Variants in PLA2G4C observed in about 807,000 individuals in gnomAD.
PLA2G4C encodes cytosolic phospholipase A2 gamma.
In PLA2G4C, 64 loss-of-function variants were observed where a neutral mutation model predicts 73.8. That is an observed-to-expected ratio of 0.87 (90% CI 0.71 to 1.07). The LOEUF is 1.07. Among genes scored for constraint, PLA2G4C ranks in the 50% least tolerant of loss-of-function variants. The pLI, the probability that PLA2G4C is intolerant of heterozygous loss-of-function variation, is 0.00. For synonymous variants in PLA2G4C, 254 were observed against 252.1 expected (o/e 1.01, Z -0.07); for missense variants, 622 against 665.4 (o/e 0.93, Z 0.72).
rs1325338187 is a variant in PLA2G4C at position 48,052,824 on chromosome 19, C to T, written c.1580+173G>A. 3 of 538,332 alleles carry T rather than the reference C, an allele frequency of 5.6e-6. No individual in the cohort carries two copies. The Admixed American group carries it at 1.1e-4, about 20-fold the overall frequency. The allele number at this position is 538,332 out of a possible 1,614,324, so 33.3% of individuals were successfully genotyped here. On this transcript the variant is annotated intron_variant, in intron 16 of 16. Transcript: ENST00000599921. The stretch of plus-strand genomic sequence containing the variant: ...CTGCTTCACTCTTCAGAAAACCATT[C>T]ACTCCTGACCCTGTTCATGGTCTGT...
At chr19:48,086,720 G>A (rs1005158126) in intron 9 of PLA2G4C, among the ~76,000 whole-genome samples, 44 of 152,114 alleles carry the variant, frequency 2.9e-4, no homozygotes, top group African/African-American at 9.9e-4. Context: ...AGCATCTCCT[G>A]GTAGGATAAC....
At chr19:48,083,540 T>G (rs576598659) in intron 10 of PLA2G4C, among the ~76,000 whole-genome samples, 7 of 150,282 alleles carry the variant, frequency 4.7e-5, no homozygotes, top group African/African-American at 1.7e-4. Context: ...CTCCACCTCC[T>G]GGGTTCAAGC....
rs35118449 is a variant in PLA2G4C at position 48,091,883 on chromosome 19, C to CAA, written c.710-1468_710-1467dup. On this transcript the variant is annotated intron_variant, in intron 7 of 16. Coordinates refer to ENST00000599921, the MANE Select transcript of PLA2G4C (RefSeq NM_003706.3). ...TGGGAGACAGAGTGAGACTCCATCTCAAAAAAAAAAAAAAAAAAAAAAAAA... is the reference window on the plus strand; with the variant it reads ...TGGGAGACAGAGTGAGACTCCATCTCAAAAAAAAAAAAAAAAAAAAAAAAAAA... Among the ~76,000 whole-genome samples, 22 of 21,084 alleles carry CAA rather than the reference C, an allele frequency of 1.0e-3. 1 individual carries two copies. Among genetic ancestry groups the CAA allele is most frequent in the African/African-American group, 2.5e-3 (12 of 4,832 alleles). The allele number at this position is 21,084 out of a possible 152,430, so 13.8% of individuals were successfully genotyped here.
chr19:48,048,268 G>T lies in PLA2G4C; in HGVS notation c.*75C>A. The T allele has an allele frequency of 1.8e-6, 2 of 1,115,034 alleles. No individual in the cohort carries two copies. The highest frequency in any genetic ancestry group is 1.4e-5 in the South Asian group (1 of 72,654). 69.1% of individuals were successfully genotyped at this position (1,115,034 alleles called of 1,614,324 possible). ...GAAGCGTGTGGCTGAAGGGAGTGAAGAACAGGAAGGCCAGGTGGACATCAG... is the reference window on the plus strand; with the variant it reads ...GAAGCGTGTGGCTGAAGGGAGTGAATAACAGGAAGGCCAGGTGGACATCAG... On this transcript the variant is annotated 3_prime_UTR_variant, in exon 17 of 17. Transcript: ENST00000599921.
intron 11 of PLA2G4C, among the ~76,000 whole-genome samples, chr19:48,075,846 A>G (rs6650755): frequency 0.021 from 3,130 of 152,266 alleles, 104 homozygotes; most frequent in African/African-American, 0.07. Flanking sequence ...GCAGTGGTAC[A>G]ATCACCAGCC....
rs572828224 is a variant in PLA2G4C, at chr19:48,072,757, G to A, written c.1006+2010C>T. Reference sequence around the variant, plus strand: ...TATGTAACATGAATAAAAGGAGGAGGAAGGGAAATCTAGAGTCTGAAGAGA... The same window carrying A: ...TATGTAACATGAATAAAAGGAGGAGAAAGGGAAATCTAGAGTCTGAAGAGA... On this transcript the variant is annotated intron_variant, in intron 12 of 16. Coordinates refer to ENST00000599921, the MANE Select transcript of PLA2G4C (RefSeq NM_003706.3). This position sits in a 1 kb window ranked among gnomAD's most constrained non-coding sequence, Gnocchi z 4.4. 6.6e-6 allele frequency: 1 copy of A among 152,296 alleles called. No individual in the cohort carries two copies. Among genetic ancestry groups the A allele is most frequent in the South Asian group, 2.1e-4 (1 of 4,822 alleles). The allele number at this position is 152,296 out of a possible 1,614,324, so 9.4% of individuals were successfully genotyped here.
intron 13 of PLA2G4C, among the ~76,000 whole-genome samples, chr19:48,067,460 G>A (rs1021143088): frequency 1.3e-4 from 20 of 152,148 alleles, no homozygotes; most frequent in African/African-American, 3.9e-4. Flanking sequence ...GAGCCACTGC[G>A]CCCAGCCCAT....
chr19:48,057,468 C>CTTTTTTTTT (rs1967985228), intron 14 of PLA2G4C, among the ~76,000 whole-genome samples: 1 of 18,514 alleles, frequency 5.4e-5, no homozygotes, highest in Non-Finnish European at 9.7e-5. Context: ...TCTTCTTCTT[C>CTTTTTTTTT]TTCTTCTTCT....
intron 2 of PLA2G4C, among the ~76,000 whole-genome samples, chr19:48,105,858 C>T (rs1600266248): frequency 2.5e-5 from 2 of 79,306 alleles, no homozygotes; most frequent in Non-Finnish European, 5.3e-5. Context: ...ATCCTTCCTT[C>T]CTTCCTCCTT....
chr19:48,097,548 G>A (rs1476011058), intron 6 of PLA2G4C, among the ~76,000 whole-genome samples: 1 of 151,542 alleles, frequency 6.6e-6, no homozygotes, highest in Non-Finnish European at 1.5e-5. Context: ...CACTGCGCCC[G>A]GCCCCTTTTT....
chr19:48,075,784 T>G (rs114667845), intron 11 of PLA2G4C, among the ~76,000 whole-genome samples: 2,012 of 152,228 alleles, frequency 0.013, 48 homozygotes, highest in African/African-American at 0.045. Context: ...CCATTTCTTT[T>G]TTGTTGTTGT....
intron 14 of PLA2G4C, among the ~76,000 whole-genome samples, chr19:48,059,168 G>A (rs1968073963): frequency 6.6e-6 from 1 of 151,810 alleles, no homozygotes; most frequent in Non-Finnish European, 1.5e-5. Context: ...CTACTCGGGA[G>A]GCTGAGGCAG....
At position 48,088,698 on chromosome 19, in the gene PLA2G4C, G is replaced by A; in HGVS notation, c.778C>T (p.Leu260=). Reference sequence around the variant, plus strand: ...GTAGGATGCTTACCTTTCAGGGTCAGATTCCTTAACTGGTCTGCAAAAGAG... The same window carrying A: ...GTAGGATGCTTACCTTTCAGGGTCAAATTCCTTAACTGGTCTGCAAAAGAG... ...REYIFDQLRN[L]TLKGLWRRAV... The change falls in exon 9 of 17, where the codon CTG becomes TTG. Residue 260 remains leucine, a synonymous_variant. Coordinates refer to ENST00000599921, the MANE Select transcript of PLA2G4C (RefSeq NM_003706.3). The A allele has an allele frequency of 6.2e-7, 1 of 1,608,498 alleles. No individual in the cohort carries two copies. Among genetic ancestry groups the A allele is most frequent in the Non-Finnish European group, 8.5e-7 (1 of 1,174,808 alleles).
At chr19:48,103,715 G>C (rs2032029885) in intron 4 of PLA2G4C, among the ~76,000 whole-genome samples, 3 of 152,186 alleles carry the variant, frequency 2.0e-5, no homozygotes. Context: ...AGGCTGATAA[G>C]TTAAAAGGGC....
At chr19:48,108,006 T>G (rs1407799740) in intron 1 of PLA2G4C, among the ~76,000 whole-genome samples, 1 of 152,102 alleles carries the variant, frequency 6.6e-6, no homozygotes, top group African/African-American at 2.4e-5. Context: ...CCCCTTATTA[T>G]CCAATAAATA....
At chr19:48,065,292 A>G (rs1389006983) in intron 13 of PLA2G4C, among the ~76,000 whole-genome samples, 1 of 150,174 alleles carries the variant, frequency 6.7e-6, no homozygotes, top group African/African-American at 2.5e-5. Context: ...GGGGGCTTCC[A>G]GGTTATAGGT....
At chr19:48,108,517 T>G (rs555883185) in intron 1 of PLA2G4C, among the ~76,000 whole-genome samples, 1 of 152,318 alleles carries the variant, frequency 6.6e-6, no homozygotes, top group African/African-American at 2.4e-5. Flanking sequence ...CGACCCCTGG[T>G]TACGTGACTC....
intron 8 of PLA2G4C, 34 bp from the exon 9 acceptor site, chr19:48,088,746 C>G (rs1176543294): frequency 2.0e-6 from 3 of 1,531,250 alleles, no homozygotes; most frequent in Non-Finnish European, 2.7e-6. Flanking sequence ...GAATGTTTAT[C>G]TGTACAACAA....
At chr19:48,092,418 G>T (rs2031360520) in intron 7 of PLA2G4C, among the ~76,000 whole-genome samples, 1 of 152,186 alleles carries the variant, frequency 6.6e-6, no homozygotes, top group South Asian at 2.1e-4. Flanking sequence ...ATACCCAAAA[G>T]AATTGAAAGC....
Sources: gnomAD v4.1 joint callset for allele counts (sites outside exome capture counted in the v4.1 genomes callset) on GRCh38, gnomAD v4.1.1 for gene constraint, Gnocchi (gnomAD v3.1) non-coding constraint, MANE v1.5 for transcripts, NCBI Gene and HGNC (gene_info 2026-07-23, HGNC 2026-07-21) for gene names.